The following PDCD1LG2 variants were observed in gnomAD, a reference collection of about 807,000 sequenced individuals.
The protein encoded by PDCD1LG2 is B7 dendritic cell molecule.
A neutral mutation model predicts 28.2 loss-of-function variants in PDCD1LG2; 32 were observed. The ratio of observed to expected loss-of-function variants is 1.13; its 90% CI spans 0.86 to 1.52. The LOEUF (loss-of-function observed/expected upper bound fraction) is 1.52, where lower values mean the gene tolerates loss of function less well. Among genes scored for constraint, PDCD1LG2 ranks in the 40% most tolerant of loss-of-function variants. PDCD1LG2 has a pLI of 0.00. For missense variants in PDCD1LG2, 385 were observed against 323.8 expected (o/e 1.19, Z -1.45); for synonymous variants, 116 against 120.2 (o/e 0.97, Z 0.23).
intron 6 of PDCD1LG2, among the ~76,000 whole-genome samples, chr9:5,565,142 A>G (rs1447149185): frequency 6.6e-6 from 1 of 152,202 alleles, no homozygotes; most frequent in Admixed American, 6.5e-5. Context: ...GTCCAAGTCC[A>G]GAATCCACAC....
intron 3 of PDCD1LG2, among the ~76,000 whole-genome samples, chr9:5,538,628 T>A (rs113710079): frequency 6.6e-6 from 1 of 150,784 alleles, no homozygotes; most frequent in Non-Finnish European, 1.5e-5. Context: ...GCGGAGCTTG[T>A]AGTGAGCCGA....
At chr9:5,516,985 C>G (rs774156488) in intron 1 of PDCD1LG2, among the ~76,000 whole-genome samples, 9 of 152,196 alleles carry the variant, frequency 5.9e-5, no homozygotes, top group Non-Finnish European at 1.0e-4. Flanking sequence ...CAGTACGGGG[C>G]GGGACTCCCA....
intron 4 of PDCD1LG2, among the ~76,000 whole-genome samples, chr9:5,556,671 C>T (rs547647454): frequency 3.9e-5 from 6 of 152,248 alleles, no homozygotes; most frequent in East Asian, 3.9e-4. Flanking sequence ...AGGACTGAGC[C>T]CTTCCCGCTG....
rs1022194330 is a variant in PDCD1LG2, at chr9:5,549,444, C to G, written c.471C>G (p.Asn157Lys). 1 of 1,614,204 alleles carries G rather than the reference C, an allele frequency of 6.2e-7. No homozygotes were observed. Among genetic ancestry groups the G allele is most frequent in the Non-Finnish European group, 8.5e-7 (1 of 1,180,042 alleles). Residue 157 changes from asparagine to lysine, a missense_variant, in exon 4 of 7, where the codon AAC becomes AAG. Coordinates refer to ENST00000397747, the MANE Select transcript of PDCD1LG2 (RefSeq NM_025239.4). ...GYPLAEVSWP[N>K]VSVPANTSHS... ...CTCTGGCAGAAGTATCCTGGCCAAA[C>G]GTCAGCGTTCCTGCCAACACCAGCC...
intron 1 of PDCD1LG2, among the ~76,000 whole-genome samples, chr9:5,521,967 ACTCTCC>A (rs1820283442): frequency 1.3e-5 from 2 of 151,966 alleles, no homozygotes; most frequent in East Asian, 3.9e-4. Context: ...CCAGTTCCCT[ACTCTCC>A]CTGTCTAAAC....
At chr9:5,559,723 C>G (rs1816521169) in intron 5 of PDCD1LG2, among the ~76,000 whole-genome samples, 1 of 152,170 alleles carries the variant, frequency 6.6e-6, no homozygotes. Context: ...TCACTTTTTG[C>G]TATAATAGGC....
At position 5,568,668 on chromosome 9, in the gene PDCD1LG2, C is replaced by A. The variant is rs537272380; in HGVS notation, c.817-1286C>A. Reference sequence around the variant, plus strand: ...CCTGAAGCCCACCTTACCATCAATCCTCAGAAATACCCAACCCATGTCAGG... The same window carrying A: ...CCTGAAGCCCACCTTACCATCAATCATCAGAAATACCCAACCCATGTCAGG... On this transcript the variant is annotated intron_variant, in intron 6 of 6. Coordinates refer to ENST00000397747, the MANE Select transcript of PDCD1LG2 (RefSeq NM_025239.4). Among the ~76,000 whole-genome samples the A allele has an allele frequency of 2.0e-5, 3 of 152,170 alleles. No individual in the cohort carries two copies. In the South Asian group the frequency reaches 6.2e-4, roughly 31 times the overall value.
intron 4 of PDCD1LG2, among the ~76,000 whole-genome samples, chr9:5,554,719 TA>T (rs1265401529): frequency 6.6e-6 from 1 of 152,140 alleles, no homozygotes; most frequent in Non-Finnish European, 1.5e-5. Flanking sequence ...AAAAAATAAA[TA>T]TAAAAGGACC....
intron 6 of PDCD1LG2, among the ~76,000 whole-genome samples, chr9:5,566,332 C>G (rs760134055): frequency 2.6e-5 from 4 of 152,148 alleles, no homozygotes; most frequent in Non-Finnish European, 4.4e-5. Context: ...TAATAGAGTT[C>G]AGTATTAGCG....
intron 1 of PDCD1LG2, among the ~76,000 whole-genome samples, chr9:5,513,594 ACT>A (rs1480952770): frequency 6.6e-6 from 1 of 152,234 alleles, no homozygotes; most frequent in African/African-American, 2.4e-5. Flanking sequence ...GTGGGAACTC[ACT>A]GTTTATTGCT....
chr9:5,569,987 CTGATA>C lies in PDCD1LG2; in HGVS notation c.*32_*36del. The C allele has an allele frequency of 1.2e-6, 2 of 1,613,832 alleles. No individual in the cohort carries two copies. Among genetic ancestry groups the C allele is most frequent in the Non-Finnish European group, 1.7e-6 (2 of 1,179,780 alleles). On this transcript the variant is annotated 3_prime_UTR_variant, in exon 7 of 7. Coordinates refer to ENST00000397747, the MANE Select transcript of PDCD1LG2 (RefSeq NM_025239.4). The surrounding 1 kb of genome is among the most constrained non-coding windows in gnomAD (Gnocchi z 4.1). ...CTGTGGTCTTGGGAGCCAGGGTGAC[CTGATA>C]TGACATCTAAAGAAGCTTCTGGACT... is the stretch of plus-strand genomic sequence containing the variant.
chr9:5,561,528 A>G (rs985307045), intron 5 of PDCD1LG2, among the ~76,000 whole-genome samples: 7 of 152,220 alleles, frequency 4.6e-5, no homozygotes, highest in African/African-American at 1.7e-4. Context: ...TGGTTCAGTC[A>G]ATATTATTAT....
At chr9:5,557,160 T>C (rs1295492546) in intron 4 of PDCD1LG2, among the ~76,000 whole-genome samples, 1 of 151,916 alleles carries the variant, frequency 6.6e-6, no homozygotes, top group Admixed American at 6.6e-5. Context: ...ATTTTTGGGC[T>C]GAGAGACTTT....
chr9:5,555,600 G>T (rs976006903), intron 4 of PDCD1LG2, among the ~76,000 whole-genome samples: 2 of 152,192 alleles, frequency 1.3e-5, no homozygotes. Flanking sequence ...GTGGTTCAGA[G>T]CAGCTAAGCA....
At position 5,522,423 on chromosome 9, in the gene PDCD1LG2, T is replaced by C. The variant is rs1468520626; in HGVS notation, c.-14-110T>C. On this transcript the variant is annotated intron_variant, in intron 1 of 6. Coordinates refer to ENST00000397747, the MANE Select transcript of PDCD1LG2 (RefSeq NM_025239.4). ...CTCCCAGCTCCACTCTACCATGGTCTGTCACCTTCCCCAAATGATTTGTTA... is the reference window on the plus strand; with the variant it reads ...CTCCCAGCTCCACTCTACCATGGTCCGTCACCTTCCCCAAATGATTTGTTA... 6 of 780,602 alleles carry C rather than the reference T, an allele frequency of 7.7e-6. No homozygotes were observed. The South Asian group carries it at 8.8e-5, about 12-fold the overall frequency. The allele number at this position is 780,602 out of a possible 1,614,324, so 48.4% of individuals were successfully genotyped here. A position where few individuals can be genotyped will look rare whatever the true frequency, so the allele number is the denominator to read the frequency against.
intron 6 of PDCD1LG2, among the ~76,000 whole-genome samples, chr9:5,568,514 C>A (rs535300273): frequency 6.0e-4 from 92 of 152,326 alleles, no homozygotes; most frequent in African/African-American, 2.1e-3. Context: ...CACACCCAAT[C>A]CATGGAAAAA....
chr9:5,559,693 A>G (rs886182729), intron 5 of PDCD1LG2, among the ~76,000 whole-genome samples: 3 of 152,182 alleles, frequency 2.0e-5, no homozygotes, highest in Non-Finnish European at 4.4e-5. Flanking sequence ...CACTCCTGCT[A>G]CCTCCAACTT....
In PDCD1LG2 at chr9:5,545,713, T is replaced by C. The variant is rs1816190135; in HGVS notation, c.362-3622T>C. ...TTCAACTCATCTCTATTACAACTGA[T>C]AGAACAAACAATTAAGAAAATAGAA... On this transcript the variant is annotated intron_variant, in intron 3 of 6. Coordinates refer to ENST00000397747, the MANE Select transcript of PDCD1LG2 (RefSeq NM_025239.4). Among the ~76,000 whole-genome samples, 3 of 152,266 alleles carry C rather than the reference T, an allele frequency of 2.0e-5. No homozygotes were observed. In the South Asian group the frequency reaches 6.2e-4, roughly 32 times the overall value.
intron 3 of PDCD1LG2, among the ~76,000 whole-genome samples, chr9:5,537,761 G>T (rs111229088): frequency 0.018 from 2,789 of 152,236 alleles, 35 homozygotes; most frequent in Non-Finnish European, 0.028. Context: ...GATAGCATTA[G>T]GAGATATACC....
Sources: allele counts gnomAD v4.1 joint callset (sites outside exome capture counted in the v4.1 genomes callset), GRCh38; gene constraint gnomAD v4.1.1; non-coding constraint Gnocchi (gnomAD v3.1); transcripts MANE v1.5; gene names NCBI Gene and HGNC (gene_info 2026-07-23, HGNC 2026-07-21).